Variants in HHIPL1 observed in about 807,000 individuals in gnomAD.
HHIPL1 encodes HHIP-like protein 1.
HHIPL1 carries 43 observed loss-of-function variants against 61.8 expected under a neutral mutation model. The ratio of observed to expected loss-of-function variants is 0.70; its 90% CI spans 0.55 to 0.90. The LOEUF (loss-of-function observed/expected upper bound fraction) is 0.90. Ranked by LOEUF, HHIPL1 falls within the 40% of genes least tolerant of loss-of-function variation. The pLI is 0.00. For synonymous variants in HHIPL1, 482 were observed against 515.8 expected, an observed-to-expected ratio of 0.93 and a Z score of 0.89; for missense variants, 1,056 against 1,157.7, an observed-to-expected ratio of 0.91 and a Z score of 1.28.
chr14:99,641,358 T>G (rs2055749040), upstream of HHIPL1, among the ~76,000 whole-genome samples: 1 of 152,122 alleles, frequency 6.6e-6, no homozygotes, highest in Admixed American at 6.6e-5. Flanking sequence ...ATTTTTTTCT[T>G]CTACCACTTT....
intron 4 of HHIPL1, 102 bp downstream of exon 4, chr14:99,659,858 C>CCCCA: frequency 1.6e-6 from 1 of 631,558 alleles, no homozygotes; most frequent in Admixed American, 4.5e-5. Flanking sequence ...CCCCCCCCCC[C>CCCCA]CGGAGATCCC....
upstream of HHIPL1, among the ~76,000 whole-genome samples, chr14:99,640,281 A>C (rs2055734212): frequency 6.6e-6 from 1 of 152,022 alleles, no homozygotes; most frequent in African/African-American, 2.4e-5. Context: ...TAAAACTTTA[A>C]AATTTTTATT....
the HHIPL1 span, among the ~76,000 whole-genome samples, chr14:99,610,551 G>A: frequency 1.3e-5 from 2 of 152,140 alleles, no homozygotes; most frequent in East Asian, 1.9e-4. Flanking sequence ...CTTGAGGCCC[G>A]GAGTTCGAGA....
chr14:99,672,286 A>C, intron 7 of HHIPL1, 31 bp from the exon 8 acceptor site: 3 of 1,543,950 alleles, frequency 1.9e-6, no homozygotes. Context: ...TCCCAGGGTG[A>C]GACTCATAAC....
chr14:99,668,764 C>T lies in HHIPL1; in HGVS notation c.1730+461C>T, dbSNP rs182651547. 5.6e-3 allele frequency: 8,841 copies of T among 1,573,796 alleles called. 745 individuals are homozygous for T. In the Admixed American group the frequency reaches 0.14, roughly 25 times the overall value. ...CGTGCCTGCCCTTCCTCCTGTGGTC[C>T]ATCTTCCACTGGGGAAAACACATTG... On this transcript the variant is annotated intron_variant, in intron 7 of 8. Coordinates refer to ENST00000330710, the MANE Select transcript of HHIPL1 (RefSeq NM_001127258.3). The surrounding 1 kb of genome is among the most constrained non-coding windows in gnomAD (Gnocchi z 4.7).
In HHIPL1 at chr14:99,659,614, C is replaced by A; in HGVS notation, c.1233C>A (p.Gly411=). The A allele has an allele frequency of 6.5e-7, 1 of 1,547,774 alleles. No individual in the cohort carries two copies. The highest frequency in any genetic ancestry group is 8.7e-7 in the Non-Finnish European group (1 of 1,150,220). ...GTGGCGACCCCTCCTCGGGCACTGG[C>A]CGCGGGCGCCTCTTCTGCGGCGACG... ...FDRGDPSSGT[G]RGRLFCGDVG... is the part of the protein sequence containing the mutation. The change falls in exon 4 of 9, where the codon GGC becomes GGA. Residue 411 remains glycine (G), a synonymous_variant. Transcript: ENST00000330710.
chr14:99,605,382 CGGGGCG>C, the HHIPL1 span, among the ~76,000 whole-genome samples: 19 of 19,644 alleles, frequency 9.7e-4, no homozygotes, highest in South Asian at 8.2e-3. Context: ...CGGGGCGGGG[CGGGGCG>C]GGGGGGGGTC....
In HHIPL1 at chr14:99,668,349, C is replaced by G. The variant is rs779233776; in HGVS notation, c.1730+46C>G. 1 of 1,132,816 alleles carries G rather than the reference C, an allele frequency of 8.8e-7. No individual in the cohort carries two copies. 70.2% of individuals were successfully genotyped at this position (1,132,816 alleles called of 1,614,324 possible). ...CAGGGAGCTCCTGCTGTCTGTCAGG[C>G]CTCTTAGCTCCACGGGCTTGTCCCC... On this transcript the variant is annotated intron_variant, in intron 7 of 8. Transcript: ENST00000330710. The surrounding 1 kb of genome is among the most constrained non-coding windows in gnomAD (Gnocchi z 4.7).
the HHIPL1 span, among the ~76,000 whole-genome samples, chr14:99,631,048 T>TTTTCTTTCTTTCTTTCTTTC: frequency 3.1e-3 from 375 of 120,490 alleles, 1 homozygote; most frequent in East Asian, 4.3e-3. Flanking sequence ...AGTGGCTCCA[T>TTTTCTTTCTTTCTTTCTTTC]TTTCTTTCTT....
At chr14:99,636,760 G>A in the HHIPL1 span, among the ~76,000 whole-genome samples, 1 of 151,924 alleles carries the variant, frequency 6.6e-6, no homozygotes, top group Non-Finnish European at 1.5e-5. Context: ...GGCCGAGGGG[G>A]GAGAATTGCT....
rs1408823844 is a variant in HHIPL1, at chr14:99,675,524, G to C, written c.2247G>C (p.Glu749Asp). The C allele has an allele frequency of 6.5e-7, 1 of 1,541,976 alleles. No homozygotes were observed. The highest frequency in any genetic ancestry group is 8.7e-7 in the Non-Finnish European group (1 of 1,146,474). Reference sequence around the variant, plus strand: ...ACGATGTGCGCTGCGCGGGCTGGGAGCGGAACCTGCTGGAGTGCCAGCACA... The same window carrying C: ...ACGATGTGCGCTGCGCGGGCTGGGACCGGAACCTGCTGGAGTGCCAGCACA... The part of the protein sequence containing the change: ...LLDDVRCAGW[E>D]RNLLECQHNG... The change falls in exon 9 of 9, where the codon GAG becomes GAC. Residue 749 changes from glutamate to aspartate, a missense_variant. Glu to Asp is a conservative substitution (Grantham distance 45, BLOSUM62 2). Transcript: ENST00000330710. The surrounding 1 kb of genome is among the most constrained non-coding windows in gnomAD (Gnocchi z 5.4).
At chr14:99,604,905 C>T in the HHIPL1 span, among the ~76,000 whole-genome samples, 1 of 152,116 alleles carries the variant, frequency 6.6e-6, no homozygotes, top group African/African-American at 2.4e-5. Flanking sequence ...CAGGCTCCTC[C>T]GCCCCCGTCC....
intron 7 of HHIPL1, among the ~76,000 whole-genome samples, chr14:99,670,764 C>T (rs543510906): frequency 1.3e-5 from 2 of 152,284 alleles, no homozygotes; most frequent in East Asian, 1.9e-4. Flanking sequence ...TTTGTCTAAA[C>T]GTTGCAAACA....
chr14:99,628,032 A>T, the HHIPL1 span, among the ~76,000 whole-genome samples: 2 of 151,752 alleles, frequency 1.3e-5, no homozygotes, highest in African/African-American at 4.8e-5. Flanking sequence ...CTAGAGGGGG[A>T]TGGATTGGAG....
At chr14:99,664,585 T>C (rs1460104779) in intron 6 of HHIPL1, among the ~76,000 whole-genome samples, 3 of 152,084 alleles carry the variant, frequency 2.0e-5, no homozygotes, top group African/African-American at 7.2e-5. Context: ...CCCGGAGCCC[T>C]GGGGTCCAAC....
chr14:99,652,566 G>A lies in HHIPL1; in HGVS notation c.598G>A (p.Val200Ile). ...CGGGCTGCGCAACCCCGTGGCCATG[G>A]TCCATGCCAGGGATGGCACCCACCG... ...ANGLRNPVAM[V>I]HARDGTHRFF... Residue 200 changes from valine to isoleucine, a missense_variant, in exon 2 of 9, where the codon GTC becomes ATC. Coordinates refer to ENST00000330710, the MANE Select transcript of HHIPL1 (RefSeq NM_001127258.3). 6.2e-7 allele frequency: 1 copy of A among 1,613,096 alleles called. No individual in the cohort carries two copies. Among genetic ancestry groups the A allele is most frequent in the East Asian group, 2.2e-5 (1 of 44,872 alleles).
chr14:99,652,921 A>G (rs1007981463), intron 2 of HHIPL1, 51 bp downstream of exon 2: 11 of 1,543,156 alleles, frequency 7.1e-6, no homozygotes, highest in Non-Finnish European at 9.7e-6. Context: ...ACCCATATGC[A>G]CTGGTGTGAC....
chr14:99,622,164 G>T, the HHIPL1 span, among the ~76,000 whole-genome samples: 1 of 152,152 alleles, frequency 6.6e-6, no homozygotes, highest in South Asian at 2.1e-4. Context: ...TCAGTCTCTG[G>T]TTCCACCTTC....
At position 99,675,595 on chromosome 14, in the gene HHIPL1, T is replaced by C. The variant is rs984440671; in HGVS notation, c.2318T>C (p.Val773Ala). ...HNCEHDEDAG[V>A]VCSHQNPDL The stretch of plus-strand genomic sequence containing the variant: ...TGCGAGCACGACGAGGATGCGGGCG[T>C]CGTGTGCAGCCACCAGAACCCCGAC... Residue 773 changes from valine (V) to alanine (A), a missense_variant, in exon 9 of 9, where the codon GTC (valine) becomes GCC (alanine). Transcript: ENST00000330710. This position sits in a 1 kb window ranked among gnomAD's most constrained non-coding sequence, Gnocchi z 5.4. 2.0e-5 allele frequency: 30 copies of C among 1,529,986 alleles called. No individual in the cohort carries two copies. The Admixed American group carries it at 4.3e-4, about 22-fold the overall frequency. The allele number at this position is 1,529,986 out of a possible 1,614,324, so 94.8% of individuals were successfully genotyped here.
Sources: allele counts gnomAD v4.1 joint callset (sites outside exome capture counted in the v4.1 genomes callset), GRCh38; gene constraint gnomAD v4.1.1; non-coding constraint Gnocchi (gnomAD v3.1); transcripts MANE v1.5; gene names NCBI Gene and HGNC (gene_info 2026-07-23, HGNC 2026-07-21).